KDM3B: variants seen among roughly 807,000 people sequenced by gnomAD.
The protein encoded by KDM3B is lysine-specific demethylase 3B.
In KDM3B, 10 loss-of-function variants were observed where a neutral mutation model predicts 170.0. That is an observed-to-expected ratio of 0.06 (90% confidence interval 0.04 to 0.10). The LOEUF is 0.10. Among genes scored for constraint, KDM3B ranks in the 10% least tolerant of loss-of-function variants. The pLI is 1.00. For missense variants in KDM3B, 1,394 were observed against 2,195.2 expected (o/e 0.64, Z 7.29); for synonymous variants, 831 against 834.8 (o/e 1.00, Z 0.08).
At chr5:138,411,735 T>G (rs1289015002) in intron 11 of KDM3B, among the ~76,000 whole-genome samples, 1 of 151,140 alleles carries the variant, frequency 6.6e-6, no homozygotes, top group Non-Finnish European at 1.5e-5. Context: ...AGTCTCGTCC[T>G]GTCACCCAGG....
At chr5:138,390,148 C>T (rs893461185) in intron 7 of KDM3B, among the ~76,000 whole-genome samples, 4 of 151,890 alleles carry the variant, frequency 2.6e-5, no homozygotes, top group Admixed American at 6.6e-5. Context: ...CATGAGCCAC[C>T]GCGCCAGGCC....
Position 138,427,007 on chromosome 5 carries a change from G to T in KDM3B, c.4444G>T (p.Val1482Leu). Residue 1482 changes from valine to leucine, a missense_variant, in exon 18 of 24, where the codon GTG becomes TTG. Coordinates refer to ENST00000314358, the MANE Select transcript of KDM3B (RefSeq NM_016604.4). Reference sequence around the variant, plus strand: ...ACGGTCAGAAGATGGGCAGCCAATGGTGCTCAAACTCAAGGACTGGCCTCC... The same window carrying T: ...ACGGTCAGAAGATGGGCAGCCAATGTTGCTCAAACTCAAGGACTGGCCTCC... ...RLRSEDGQPMVLKLKDWPPGE... is the reference protein window; with the variant it reads ...RLRSEDGQPMLLKLKDWPPGE... 6.2e-7 allele frequency: 1 copy of T among 1,614,180 alleles called. No individual in the cohort carries two copies. Among genetic ancestry groups the T allele is most frequent in the Non-Finnish European group, 8.5e-7 (1 of 1,180,020 alleles).
chr5:138,406,156 G>A (rs1049643890), intron 11 of KDM3B, among the ~76,000 whole-genome samples: 93 of 151,798 alleles, frequency 6.1e-4, no homozygotes, highest in African/African-American at 2.2e-3. Context: ...ACCAGCCTGG[G>A]CAACATAGCA....
intron 9 of KDM3B, among the ~76,000 whole-genome samples, chr5:138,393,825 A>G (rs1023126720): frequency 1.3e-5 from 2 of 152,162 alleles, no homozygotes; most frequent in African/African-American, 4.8e-5. Context: ...ATGTGGGAAT[A>G]TCGTCTGCTT....
chr5:138,416,843 C>T (rs1004812966), intron 12 of KDM3B, among the ~76,000 whole-genome samples: 3 of 152,044 alleles, frequency 2.0e-5, no homozygotes, highest in East Asian at 3.9e-4. Context: ...CTCTTTGGGA[C>T]GGAGTCTCAC....
intron 1 of KDM3B, among the ~76,000 whole-genome samples, chr5:138,360,920 T>TA (rs1397227714): frequency 6.6e-6 from 1 of 152,188 alleles, no homozygotes; most frequent in Non-Finnish European, 1.5e-5. Context: ...CTAAGGGACT[T>TA]GCTTCACTAA....
chr5:138,359,596 T>C lies in KDM3B; in HGVS notation c.192+6609T>C, dbSNP rs554653310. ...TGCTTGGATTACAGGCATGAGCCACTGCACTTGGCCTGGAATATTTTTGTA... is the reference window on the plus strand; with the variant it reads ...TGCTTGGATTACAGGCATGAGCCACCGCACTTGGCCTGGAATATTTTTGTA... On this transcript the variant is annotated intron_variant, in intron 1 of 23. Coordinates refer to ENST00000314358, the MANE Select transcript of KDM3B (RefSeq NM_016604.4). Among the ~76,000 whole-genome samples, 7 of 151,678 alleles carry C rather than the reference T, an allele frequency of 4.6e-5. No homozygotes were observed. The South Asian group carries it at 1.0e-3, about 23-fold the overall frequency.
intron 11 of KDM3B, among the ~76,000 whole-genome samples, chr5:138,403,244 C>T (rs1184853940): frequency 1.3e-5 from 2 of 152,158 alleles, no homozygotes; most frequent in African/African-American, 4.8e-5. Flanking sequence ...AAACAAAACC[C>T]ACTACCCAGA....
chr5:138,400,226 G>GT (rs1480679480), intron 11 of KDM3B, among the ~76,000 whole-genome samples: 18 of 149,994 alleles, frequency 1.2e-4, no homozygotes, highest in East Asian at 5.9e-4. Flanking sequence ...ATTTTTCCTT[G>GT]GTTTTTTTTT....
chr5:138,413,189 T>A (rs771021527), intron 11 of KDM3B, among the ~76,000 whole-genome samples: 1 of 151,974 alleles, frequency 6.6e-6, no homozygotes, highest in Non-Finnish European at 1.5e-5. Context: ...ATTGAGACCA[T>A]CCTAGCTAAC....
At chr5:138,415,077 A>G in intron 11 of KDM3B, 55 bp from the exon 12 acceptor site, 1 of 1,250,462 alleles carries the variant, frequency 8.0e-7, no homozygotes, top group Non-Finnish European at 1.1e-6. Context: ...CCATTCACTG[A>G]GAAGGATCCA....
intron 11 of KDM3B, among the ~76,000 whole-genome samples, chr5:138,410,347 CTG>C (rs971005283): frequency 5.9e-5 from 9 of 152,100 alleles, no homozygotes; most frequent in African/African-American, 1.9e-4. Context: ...AATTAAGACA[CTG>C]TGGTAAGGGA....
intron 6 of KDM3B, 128 bp downstream of exon 6, chr5:138,381,718 T>A (rs1325397306): frequency 1.6e-6 from 1 of 621,572 alleles, no homozygotes; most frequent in Non-Finnish European, 2.9e-6. Flanking sequence ...CTGTACATTT[T>A]TTTGCTCTCT....
intron 7 of KDM3B, 50 bp from the exon 8 acceptor site, chr5:138,390,963 A>G: frequency 6.7e-7 from 1 of 1,486,258 alleles, no homozygotes; most frequent in Non-Finnish European, 9.0e-7. Flanking sequence ...AGAGATCATT[A>G]GATTGTCATG....
intron 1 of KDM3B, among the ~76,000 whole-genome samples, chr5:138,367,068 A>G (rs1761764520): frequency 6.6e-6 from 1 of 152,148 alleles, no homozygotes; most frequent in African/African-American, 2.4e-5. Flanking sequence ...GTCCTTTAAG[A>G]CCCAGTTTGT....
intron 9 of KDM3B, among the ~76,000 whole-genome samples, chr5:138,395,020 C>T (rs1382313014): frequency 6.6e-6 from 1 of 152,010 alleles, no homozygotes; most frequent in Non-Finnish European, 1.5e-5. Context: ...TGTCTTTTGG[C>T]CTAAAAACAG....
intron 2 of KDM3B, among the ~76,000 whole-genome samples, chr5:138,373,724 G>A (rs1278362862): frequency 6.6e-6 from 1 of 151,876 alleles, no homozygotes; most frequent in Admixed American, 6.6e-5. Context: ...GTCTCAAGCA[G>A]TCCACCTGCT....
chr5:138,379,561 A>G (rs1004942509), intron 4 of KDM3B, 23 bp from the exon 5 acceptor site: 1 of 1,602,924 alleles, frequency 6.2e-7, no homozygotes, highest in African/African-American at 1.3e-5. Flanking sequence ...AAAATACTCA[A>G]TACTGACTGA....
At chr5:138,388,762 A>G (rs556339357) in intron 7 of KDM3B, among the ~76,000 whole-genome samples, 122 of 152,288 alleles carry the variant, frequency 8.0e-4, no homozygotes, top group African/African-American at 2.9e-3. Flanking sequence ...CAGTGAGCCA[A>G]GATTGCGCCA....
Sources: gnomAD v4.1 joint callset for allele counts (sites outside exome capture counted in the v4.1 genomes callset) on GRCh38, gnomAD v4.1.1 for gene constraint, MANE v1.5 for transcripts, NCBI Gene and HGNC (gene_info 2026-07-23, HGNC 2026-07-21) for gene names.